The following ALK variants were observed in gnomAD, a reference collection of about 807,000 sequenced individuals.
ALK encodes the protein ALK receptor tyrosine kinase, also known as ALK tyrosine kinase receptor.
ALK carries 74 observed loss-of-function variants against 163.1 expected under a neutral mutation model. The observed-to-expected ratio is 0.45, with a 90% CI of 0.38 to 0.55. ALK has a LOEUF of 0.55. ALK is among the 20% of genes least tolerant of loss of function. The pLI is 0.00. For missense variants in ALK, 2,063 were observed against 2,105.3 expected (o/e 0.98, Z 0.39); for synonymous variants, 960 against 843.2 (o/e 1.14, Z -2.40).
intron 28 of ALK, among the ~76,000 whole-genome samples, chr2:29,195,394 A>C (rs923383050): frequency 6.6e-6 from 1 of 152,208 alleles, no homozygotes; most frequent in African/African-American, 2.4e-5. Flanking sequence ...GTGAGGCTGG[A>C]AAATGACTAC....
chr2:29,852,195 G>A (rs1301720038), intron 1 of ALK, among the ~76,000 whole-genome samples: 2 of 152,160 alleles, frequency 1.3e-5, no homozygotes, highest in East Asian at 3.9e-4. Flanking sequence ...GCTATGCTAA[G>A]GTAGGTAAGG....
chr2:29,483,029 T>C (rs917259038), intron 4 of ALK, among the ~76,000 whole-genome samples: 1 of 152,166 alleles, frequency 6.6e-6, no homozygotes, highest in Non-Finnish European at 1.5e-5. Context: ...ATGAGCAACA[T>C]GTGTTCTAGA....
chr2:29,814,585 G>A (rs1026180866), intron 1 of ALK, among the ~76,000 whole-genome samples: 8 of 151,716 alleles, frequency 5.3e-5, no homozygotes, highest in South Asian at 2.1e-4. Context: ...TCGTGAACCC[G>A]GGAGGCAGAG....
At chr2:29,482,827 C>T (rs904706751) in intron 4 of ALK, among the ~76,000 whole-genome samples, 4 of 152,136 alleles carry the variant, frequency 2.6e-5, no homozygotes, top group East Asian at 1.9e-4. Context: ...TCTTCCATGA[C>T]GACTACATGG....
intron 4 of ALK, among the ~76,000 whole-genome samples, chr2:29,442,498 G>C (rs1670570790): frequency 6.6e-6 from 1 of 152,152 alleles, no homozygotes; most frequent in African/African-American, 2.4e-5. Context: ...GACTGGGTTT[G>C]ATTCCAGCTC....
At chr2:29,495,685 G>A (rs1484123256) in intron 4 of ALK, among the ~76,000 whole-genome samples, 1 of 152,192 alleles carries the variant, frequency 6.6e-6, no homozygotes, top group Non-Finnish European at 1.5e-5. Flanking sequence ...AACACAGGAA[G>A]TGACTTACCC....
chr2:29,802,318 G>GAT (rs1664487678), intron 1 of ALK, among the ~76,000 whole-genome samples: 3 of 71,418 alleles, frequency 4.2e-5, no homozygotes, highest in African/African-American at 5.8e-5. Flanking sequence ...GAAGGGGATG[G>GAT]GAGGGGAGAG....
chr2:29,291,689 C>A (rs2148227329), intron 9 of ALK, among the ~76,000 whole-genome samples: 1 of 152,288 alleles, frequency 6.6e-6, no homozygotes, highest in Non-Finnish European at 1.5e-5. Flanking sequence ...ATGGCTTTAT[C>A]AGGATGCTGT....
chr2:29,503,987 T>C (rs891586859), intron 4 of ALK, among the ~76,000 whole-genome samples: 4 of 151,850 alleles, frequency 2.6e-5, no homozygotes, highest in Non-Finnish European at 4.4e-5. Flanking sequence ...TGCACCAACC[T>C]AATAGTGAGG....
chr2:29,632,195 T>C (rs1300450163), intron 3 of ALK, among the ~76,000 whole-genome samples: 1 of 152,014 alleles, frequency 6.6e-6, no homozygotes, highest in Non-Finnish European at 1.5e-5. Context: ...AAAGTATGAG[T>C]CAATAAAAAT....
intron 4 of ALK, among the ~76,000 whole-genome samples, chr2:29,417,993 G>C (rs1232572870): frequency 2.6e-5 from 4 of 152,138 alleles, no homozygotes; most frequent in Non-Finnish European, 5.9e-5. Flanking sequence ...TGACATAAGA[G>C]GCCTCTAAGC....
At chr2:29,432,201 T>C (rs1225338517) in intron 4 of ALK, among the ~76,000 whole-genome samples, 6 of 152,014 alleles carry the variant, frequency 3.9e-5, no homozygotes, top group African/African-American at 1.2e-4. Flanking sequence ...ATGTTGGAGG[T>C]GGTCGTAGTG....
chr2:29,615,108 C>A (rs1023568461), intron 3 of ALK, among the ~76,000 whole-genome samples: 2 of 152,140 alleles, frequency 1.3e-5, no homozygotes, highest in African/African-American at 4.8e-5. Flanking sequence ...CTTGAGCCAC[C>A]GCACCCAGCC....
intron 3 of ALK, among the ~76,000 whole-genome samples, chr2:29,625,557 G>A (rs1389503590): frequency 1.3e-5 from 2 of 152,168 alleles, no homozygotes; most frequent in Admixed American, 6.5e-5. Flanking sequence ...AGTAAGTAGT[G>A]TAGACATGTG....
chr2:29,839,457 A>T (rs897749793), intron 1 of ALK, among the ~76,000 whole-genome samples: 1 of 152,194 alleles, frequency 6.6e-6, no homozygotes, highest in African/African-American at 2.4e-5. Context: ...CTGCCTTCCA[A>T]TTCAGACCAG....
At chr2:29,269,049 G>A (rs1158080000) in intron 11 of ALK, among the ~76,000 whole-genome samples, 1 of 152,204 alleles carries the variant, frequency 6.6e-6, no homozygotes, top group Non-Finnish European at 1.5e-5. Flanking sequence ...GGTGCTTAGA[G>A]TGAGTGGCAT....
At chr2:29,884,865 A>G (rs1666949265) in intron 1 of ALK, among the ~76,000 whole-genome samples, 1 of 152,226 alleles carries the variant, frequency 6.6e-6, no homozygotes, top group Non-Finnish European at 1.5e-5. Context: ...TTTAATGCAG[A>G]TTAAAGTACC....
At chr2:29,442,480 G>A (rs149681404) in intron 4 of ALK, among the ~76,000 whole-genome samples, 4 of 152,084 alleles carry the variant, frequency 2.6e-5, no homozygotes, top group African/African-American at 7.3e-5. Context: ...GAGAGTATTG[G>A]TAAGTGAGAC....
At chr2:29,579,063 C>T (rs899947402) in intron 3 of ALK, among the ~76,000 whole-genome samples, 3 of 152,230 alleles carry the variant, frequency 2.0e-5, no homozygotes, top group Non-Finnish European at 4.4e-5. Flanking sequence ...CTGGAGAGCA[C>T]CTGGCTTGCC....
Sources: allele counts gnomAD v4.1 joint callset (sites outside exome capture counted in the v4.1 genomes callset), GRCh38; gene constraint gnomAD v4.1.1; transcripts MANE v1.5; gene names NCBI Gene and HGNC (gene_info 2026-07-23, HGNC 2026-07-21).